The following SAMD12 variants were observed in gnomAD, a reference collection of about 807,000 sequenced individuals.
The protein encoded by SAMD12 is sterile alpha motif domain-containing protein 12.
In SAMD12, 9 loss-of-function variants were observed where a neutral mutation model predicts 15.0. That is an observed-to-expected ratio of 0.60 (90% confidence interval 0.36 to 1.05). The LOEUF (loss-of-function observed/expected upper bound fraction) is 1.05, where lower values mean the gene tolerates loss of function less well. Ranked by LOEUF, SAMD12 falls within the 50% of genes least tolerant of loss-of-function variation. The pLI is 0.01. For synonymous variants in SAMD12, 86 were observed against 90.1 expected (o/e 0.96, Z 0.25); for missense variants, 230 against 234.2 (o/e 0.98, Z 0.12).
At chr8:118,428,433 A>C (rs200978601) in intron 3 of SAMD12, among the ~76,000 whole-genome samples, 1 of 147,616 alleles carries the variant, frequency 6.8e-6, no homozygotes, top group Admixed American at 6.7e-5. Flanking sequence ...GAAAAGAAAA[A>C]AGAAAAGAAA....
intron 4 of SAMD12, among the ~76,000 whole-genome samples, chr8:118,214,565 T>C (rs1011648530): frequency 6.6e-6 from 1 of 152,228 alleles, no homozygotes; most frequent in African/African-American, 2.4e-5. Context: ...AAATTCCAAA[T>C]ATCACTGAAG....
At chr8:118,392,997 A>G (rs1484109076) in intron 3 of SAMD12, among the ~76,000 whole-genome samples, 1 of 152,152 alleles carries the variant, frequency 6.6e-6, no homozygotes, top group African/African-American at 2.4e-5. Context: ...AATCCTCAGT[A>G]ATAGGGGTTT....
downstream of SAMD12, among the ~76,000 whole-genome samples, chr8:118,374,048 G>A (rs566505580): frequency 1.6e-4 from 25 of 151,772 alleles, no homozygotes; most frequent in Admixed American, 3.9e-4. Flanking sequence ...ATTTTTAAGC[G>A]CACAGTTCAG....
At chr8:118,433,220 T>G (rs1452653175) in intron 3 of SAMD12, among the ~76,000 whole-genome samples, 1 of 152,200 alleles carries the variant, frequency 6.6e-6, no homozygotes, top group Non-Finnish European at 1.5e-5. Context: ...GTCTGCTTTC[T>G]GCCAAGCCTT....
At chr8:118,256,188 T>C (rs1812935284) in intron 4 of SAMD12, among the ~76,000 whole-genome samples, 1 of 152,182 alleles carries the variant, frequency 6.6e-6, no homozygotes, top group Admixed American at 6.6e-5. Context: ...CTTTGCCCAC[T>C]TTCAATATTT....
At chr8:118,342,853 G>A (rs1817440983) in intron 4 of SAMD12, among the ~76,000 whole-genome samples, 1 of 152,184 alleles carries the variant, frequency 6.6e-6, no homozygotes, top group Non-Finnish European at 1.5e-5. Context: ...GCTTTTGACA[G>A]ACAGAAAAAT....
At chr8:118,353,696 G>A (rs1176316573) in intron 4 of SAMD12, among the ~76,000 whole-genome samples, 1 of 152,108 alleles carries the variant, frequency 6.6e-6, no homozygotes, top group Non-Finnish European at 1.5e-5. Context: ...TAACAGTGCT[G>A]TTTATTTCCA....
chr8:118,516,198 C>A (rs981743799), intron 2 of SAMD12, among the ~76,000 whole-genome samples: 3 of 152,252 alleles, frequency 2.0e-5, no homozygotes, highest in Admixed American at 2.0e-4. Context: ...CTTCTTCAAC[C>A]TTTCCTTACC....
At chr8:118,557,292 C>G (rs146785487) in intron 2 of SAMD12, among the ~76,000 whole-genome samples, 1 of 152,338 alleles carries the variant, frequency 6.6e-6, no homozygotes, top group Non-Finnish European at 1.5e-5. Flanking sequence ...AGACATGCCT[C>G]TTCCCCGCCT....
chr8:118,305,440 C>T (rs976818106), intron 4 of SAMD12, among the ~76,000 whole-genome samples: 3 of 152,152 alleles, frequency 2.0e-5, no homozygotes, highest in Admixed American at 2.0e-4. Context: ...AGATTTCTCT[C>T]TGTTATAGCA....
intron 4 of SAMD12, among the ~76,000 whole-genome samples, chr8:118,362,133 TGAAAAGAAAAG>T (rs774852255): frequency 6.6e-6 from 1 of 151,766 alleles, no homozygotes; most frequent in East Asian, 1.9e-4. Flanking sequence ...TGAAGAGAAT[TGAAAAGAAAAG>T]GAGAAGAAAA....
chr8:118,425,707 C>T (rs13251354), intron 3 of SAMD12, among the ~76,000 whole-genome samples: 92,217 of 151,924 alleles, frequency 0.61, 28,724 homozygotes, highest in Admixed American at 0.68. Context: ...GACTAGAGAA[C>T]AGAATAAAGA....
At chr8:118,285,295 G>A (rs146282137) in intron 4 of SAMD12, among the ~76,000 whole-genome samples, 18 of 152,088 alleles carry the variant, frequency 1.2e-4, no homozygotes, top group East Asian at 3.8e-4. Context: ...TCAACTTTCC[G>A]TGAGAGATCC....
At chr8:118,296,445 G>A (rs1000684419) in intron 4 of SAMD12, among the ~76,000 whole-genome samples, 1 of 152,164 alleles carries the variant, frequency 6.6e-6, no homozygotes, top group African/African-American at 2.4e-5. Context: ...TATGTGCTTA[G>A]CACTTAAGAA....
At chr8:118,352,660 A>G (rs1476185373) in intron 4 of SAMD12, among the ~76,000 whole-genome samples, 1 of 152,212 alleles carries the variant, frequency 6.6e-6, no homozygotes, top group African/African-American at 2.4e-5. Flanking sequence ...GTTTGAGAAA[A>G]TAATTGAGGC....
At chr8:118,585,236 T>G (rs1827408453) in intron 1 of SAMD12, among the ~76,000 whole-genome samples, 1 of 152,162 alleles carries the variant, frequency 6.6e-6, no homozygotes, top group Non-Finnish European at 1.5e-5. Context: ...TATGAGTTAA[T>G]CAAATCTACA....
chr8:118,292,013 A>T (rs1195310856), intron 4 of SAMD12, among the ~76,000 whole-genome samples: 1 of 151,370 alleles, frequency 6.6e-6, no homozygotes, highest in Admixed American at 6.6e-5. Context: ...GAAAAGTGCT[A>T]CAAGGCGATG....
chr8:118,512,899 C>G (rs936737923), intron 2 of SAMD12, among the ~76,000 whole-genome samples: 4 of 152,186 alleles, frequency 2.6e-5, no homozygotes, highest in African/African-American at 9.7e-5. Context: ...TTTAATGATT[C>G]CTCTTCTGCA....
intron 2 of SAMD12, among the ~76,000 whole-genome samples, chr8:118,452,230 G>A (rs1586728953): frequency 6.6e-6 from 1 of 152,130 alleles, no homozygotes; most frequent in Non-Finnish European, 1.5e-5. Flanking sequence ...AAGGCACCCA[G>A]TATGTGGTAC....
Sources: allele counts gnomAD v4.1 joint callset (sites outside exome capture counted in the v4.1 genomes callset), GRCh38; gene constraint gnomAD v4.1.1; transcripts MANE v1.5; gene names NCBI Gene and HGNC (gene_info 2026-07-23, HGNC 2026-07-21).